The following VAV3 variants were observed in gnomAD, a reference collection of about 807,000 sequenced individuals.
VAV3 encodes guanine nucleotide exchange factor VAV3.
Under a neutral mutation model 131.2 loss-of-function variants are expected in VAV3, and 94 were observed. The observed-to-expected ratio is 0.72, with a 90% CI of 0.61 to 0.85. The LOEUF is 0.85. Ranked by LOEUF, VAV3 falls within the 40% of genes least tolerant of loss-of-function variation. VAV3 has a pLI of 0.00. For missense variants in VAV3, 939 were observed against 1,002.7 expected (o/e 0.94, Z 0.86); for synonymous variants, 349 against 342.0 (o/e 1.02, Z -0.22).
At chr1:107,898,953 C>T (rs1208726141) in intron 1 of VAV3, among the ~76,000 whole-genome samples, 1 of 152,108 alleles carries the variant, frequency 6.6e-6, no homozygotes, top group African/African-American at 2.4e-5. Flanking sequence ...AACAAATACC[C>T]TCTGAGTACT....
chr1:107,591,926 T>C (rs1354044147), intron 25 of VAV3, among the ~76,000 whole-genome samples: 1 of 152,210 alleles, frequency 6.6e-6, no homozygotes, highest in Non-Finnish European at 1.5e-5. Flanking sequence ...GATGCGGTAC[T>C]ATTTTTTAAT....
intron 1 of VAV3, among the ~76,000 whole-genome samples, chr1:107,949,404 G>A (rs950919028): frequency 4.6e-5 from 7 of 152,000 alleles, no homozygotes; most frequent in Admixed American, 1.3e-4. Flanking sequence ...TTGACCCTGC[G>A]GGCTCAAGAG....
intron 26 of VAV3, 105 bp downstream of exon 26, chr1:107,573,942 G>T: frequency 7.0e-7 from 1 of 1,432,410 alleles, no homozygotes; most frequent in Non-Finnish European, 9.3e-7. Context: ...TGGGCTGAAA[G>T]CTGTAATACA....
At chr1:107,787,948 A>T (rs1433347852) in intron 2 of VAV3, among the ~76,000 whole-genome samples, 1 of 151,980 alleles carries the variant, frequency 6.6e-6, no homozygotes, top group East Asian at 1.9e-4. Flanking sequence ...ATTCCCAATG[A>T]CCCCACAATC....
intron 2 of VAV3, among the ~76,000 whole-genome samples, chr1:107,805,909 A>C (rs1022821544): frequency 6.6e-6 from 1 of 152,156 alleles, no homozygotes; most frequent in African/African-American, 2.4e-5. Flanking sequence ...GCAAACAATT[A>C]GTGTGCTACT....
chr1:107,896,656 G>A (rs1470697022), intron 1 of VAV3, among the ~76,000 whole-genome samples: 2 of 152,128 alleles, frequency 1.3e-5, no homozygotes, highest in Admixed American at 1.3e-4. Context: ...GCAGAGGTTG[G>A]AGGTGTGTGA....
At chr1:107,875,044 A>T (rs771461893) in intron 1 of VAV3, 27 bp from the exon 2 acceptor site, 1 of 1,580,028 alleles carries the variant, frequency 6.3e-7, no homozygotes, top group Non-Finnish European at 8.7e-7. Flanking sequence ...AGCTGTTAGC[A>T]TAAAGTTAAT....
chr1:107,634,111 G>A (rs540279404), intron 20 of VAV3, among the ~76,000 whole-genome samples: 99 of 152,184 alleles, frequency 6.5e-4, no homozygotes, highest in African/African-American at 2.3e-3. Context: ...CACAGAATTG[G>A]AAAAAACTAC....
intron 2 of VAV3, among the ~76,000 whole-genome samples, chr1:107,827,486 C>A (rs572181234): frequency 6.6e-6 from 1 of 152,170 alleles, no homozygotes; most frequent in East Asian, 1.9e-4. Context: ...ATATCACACC[C>A]AAGAAACAGT....
At chr1:107,960,609 C>A (rs1241689794) in intron 1 of VAV3, among the ~76,000 whole-genome samples, 1 of 152,000 alleles carries the variant, frequency 6.6e-6, no homozygotes, top group Admixed American at 6.6e-5. Flanking sequence ...CTTCCATTTT[C>A]TCTCTGACTT....
intron 17 of VAV3, among the ~76,000 whole-genome samples, chr1:107,701,023 G>A (rs1660092395): frequency 6.6e-6 from 1 of 150,840 alleles, no homozygotes; most frequent in South Asian, 2.1e-4. Flanking sequence ...TCTTATTGTG[G>A]TTTTGATTTG....
intron 1 of VAV3, among the ~76,000 whole-genome samples, chr1:107,941,973 G>T (rs1674015102): frequency 6.6e-6 from 1 of 152,046 alleles, no homozygotes; most frequent in African/African-American, 2.4e-5. Flanking sequence ...CATCCAGCCA[G>T]CCCTAGACTG....
At chr1:107,594,504 A>T (rs575740674) in intron 25 of VAV3, among the ~76,000 whole-genome samples, 1 of 152,098 alleles carries the variant, frequency 6.6e-6, no homozygotes, top group African/African-American at 2.4e-5. Flanking sequence ...AAGACTGGAT[A>T]GGGAAGTTTG....
At chr1:107,727,696 T>C (rs916382150) in intron 15 of VAV3, among the ~76,000 whole-genome samples, 3 of 152,224 alleles carry the variant, frequency 2.0e-5, no homozygotes, top group Non-Finnish European at 4.4e-5. Flanking sequence ...AATATAAGCC[T>C]ATGGGATTTA....
At chr1:107,930,651 C>T (rs1673387590) in intron 1 of VAV3, among the ~76,000 whole-genome samples, 1 of 152,044 alleles carries the variant, frequency 6.6e-6, no homozygotes, top group Non-Finnish European at 1.5e-5. Context: ...CACCATTTTG[C>T]AAGTCCTAAA....
At position 107,603,283 on chromosome 1, in the gene VAV3, C is replaced by T. The variant is rs114104184; in HGVS notation, c.2016-120G>A. The T allele has an allele frequency of 4.2e-3, 2,975 of 702,110 alleles. 74 individuals are homozygous for T. In the African/African-American group the frequency reaches 0.047, roughly 11 times the overall value. The allele number at this position is 702,110 out of a possible 1,614,324, so 43.5% of individuals were successfully genotyped here. A position where few individuals can be genotyped will look rare whatever the true frequency, so the allele number is the denominator to read the frequency against. ...GATCTGAGCTGTTGGTAATTCTATA[C>T]TAATTACATTGTTTAAGAAAAATAA... On this transcript the variant is annotated intron_variant, in intron 22 of 26. Transcript: ENST00000370056.
At chr1:107,634,304 C>A (rs1654736255) in intron 20 of VAV3, among the ~76,000 whole-genome samples, 1 of 152,044 alleles carries the variant, frequency 6.6e-6, no homozygotes, top group Admixed American at 6.6e-5. Context: ...ACAGAGCCCT[C>A]AAAAATAATG....
At chr1:107,964,588 CA>C in intron 1 of VAV3, 77 bp downstream of exon 1, 1 of 1,493,504 alleles carries the variant, frequency 6.7e-7, no homozygotes, top group Non-Finnish European at 9.1e-7. Flanking sequence ...TAGACGTTTG[CA>C]TTTACACAAA....
chr1:107,624,596 C>G (rs1653867988), intron 20 of VAV3, among the ~76,000 whole-genome samples: 1 of 151,924 alleles, frequency 6.6e-6, no homozygotes, highest in Non-Finnish European at 1.5e-5. Context: ...AACAAAGGTC[C>G]AAAGAAATTT....
Sources: allele counts gnomAD v4.1 joint callset (sites outside exome capture counted in the v4.1 genomes callset), GRCh38; gene constraint gnomAD v4.1.1; transcripts MANE v1.5; gene names NCBI Gene and HGNC (gene_info 2026-07-23, HGNC 2026-07-21).